The following CPAMD8 variants were observed in gnomAD, a reference collection of about 807,000 sequenced individuals.
The protein encoded by CPAMD8 is C3 and PZP-like alpha-2-macroglobulin domain-containing protein 8.
A neutral mutation model predicts 224.7 loss-of-function variants in CPAMD8; 146 were observed. The ratio of observed to expected loss-of-function variants is 0.65; its 90% CI spans 0.57 to 0.75. The LOEUF (loss-of-function observed/expected upper bound fraction) is 0.75, where lower values mean the gene tolerates loss of function less well. CPAMD8 is among the 30% of genes least tolerant of loss of function. The pLI, the probability that CPAMD8 is intolerant of heterozygous loss-of-function variation, is 0.00. For synonymous variants in CPAMD8, 966 were observed against 1,044.6 expected, an observed-to-expected ratio of 0.92 and a Z score of 1.45; for missense variants, 2,301 against 2,537.5, an observed-to-expected ratio of 0.91 and a Z score of 2.00.
Position 16,903,722 on chromosome 19 carries a change from T to C in CPAMD8, c.4387A>G (p.Lys1463Glu), listed in dbSNP as rs774077751. The C allele has an allele frequency of 1.2e-6, 2 of 1,614,076 alleles. No individual in the cohort carries two copies. Among genetic ancestry groups the C allele is most frequent in the South Asian group, 2.2e-5 (2 of 91,084 alleles). The change falls in exon 33 of 42, where the codon AAG becomes GAG. Residue 1463 changes from lysine to glutamate, a missense_variant. By Grantham distance (56) the Lys-to-Glu change is moderately conservative. Coordinates refer to ENST00000443236, the MANE Select transcript of CPAMD8 (RefSeq NM_015692.5). ...ETFELHRTNQKVLQTAAIPSL... is the reference protein window; with the variant it reads ...ETFELHRTNQEVLQTAAIPSL... ...CGCACCGCTGCTGTCTGCAGAACCT[T>C]CTGGTTGGTCCTGTGCAGCTCGAAG...
In CPAMD8 at chr19:16,993,445, G is replaced by T; in HGVS notation, c.1237C>A (p.Pro413Thr). 1 of 1,613,778 alleles carries T rather than the reference G, an allele frequency of 6.2e-7. No individual in the cohort carries two copies. The highest frequency in any genetic ancestry group is 1.3e-5 in the African/African-American group (1 of 75,056). The change falls in exon 12 of 42, where the codon CCC becomes ACC. Residue 413 changes from proline to threonine, a missense_variant. Around this residue, in one of 4 missense-constraint regions of CPAMD8, gnomAD observed 301 missense variants for 406.6 expected, o/e 0.74. Transcript: ENST00000443236. The part of the protein sequence containing the change: ...GLVGFEIPSI[P>T]TSAQHVWLET... ...AGCCACACGTGCTGGGCTGACGTGG[G>T]GATGGAGGGGATTTCAAACCCCACT...
At chr19:17,014,059 CTTTT>C (rs1438525007) in intron 3 of CPAMD8, among the ~76,000 whole-genome samples, 11 of 134,882 alleles carry the variant, frequency 8.2e-5, no homozygotes, top group African/African-American at 2.7e-4. Flanking sequence ...CTCTTTCTTT[CTTTT>C]GTTTTTAGAG....
intron 3 of CPAMD8, among the ~76,000 whole-genome samples, chr19:17,016,076 T>A (rs1040982283): frequency 6.6e-6 from 1 of 152,214 alleles, no homozygotes; most frequent in Non-Finnish European, 1.5e-5. Flanking sequence ...ACTGAGTGGC[T>A]GGGACTACAG....
Position 16,903,768 on chromosome 19 carries a change from G to A in CPAMD8, c.4341C>T (p.Thr1447=). Residue 1447 remains threonine, a synonymous_variant, in exon 33 of 42, where the codon ACC becomes ACT. Transcript: ENST00000443236. ...GINLTVSLAS[T]NLDYQETFEL... is the part of the protein sequence containing the mutation. The stretch of plus-strand genomic sequence containing the variant: ...CGAAGGTTTCCTGGTAGTCCAGGTT[G>A]GTGGAGGCCAGGGAGACAGTGAGGT... 6.2e-7 allele frequency: 1 copy of A among 1,614,148 alleles called. No individual in the cohort carries two copies. Among genetic ancestry groups the A allele is most frequent in the Non-Finnish European group, 8.5e-7 (1 of 1,179,972 alleles).
At position 16,993,482 on chromosome 19, in the gene CPAMD8, G is replaced by C; in HGVS notation, c.1200C>G (p.Ser400=). The C allele has an allele frequency of 6.2e-7, 1 of 1,613,972 alleles. No individual in the cohort carries two copies. Among genetic ancestry groups the C allele is most frequent in the Non-Finnish European group, 8.5e-7 (1 of 1,179,890 alleles). ...KDNIYTSEVV[S]QRGLVGFEIP... ...TTTCAAACCCCACTAGTCCACGCTG[G>C]GACACAACTTCACTGGTGTAGATGT... Residue 400 remains serine (S), a synonymous_variant, in exon 12 of 42, where the codon TCC becomes TCG. Transcript: ENST00000443236.
intron 24 of CPAMD8, among the ~76,000 whole-genome samples, 171 bp downstream of exon 24, chr19:16,928,771 T>A (rs2053453469): frequency 6.9e-6 from 1 of 145,758 alleles, no homozygotes; most frequent in Non-Finnish European, 1.5e-5. Context: ...TGCTACATGT[T>A]TTTTTTTTTT....
At chr19:16,935,136 T>A (rs1320273464) in intron 23 of CPAMD8, among the ~76,000 whole-genome samples, 1 of 152,198 alleles carries the variant, frequency 6.6e-6, no homozygotes, top group African/African-American at 2.4e-5. Context: ...GATAATCACA[T>A]GCAATTGTTA....
chr19:16,981,170 T>A (rs147912676), intron 13 of CPAMD8, among the ~76,000 whole-genome samples: 4 of 151,828 alleles, frequency 2.6e-5, no homozygotes, highest in African/African-American at 9.7e-5. Context: ...CTGAGCAACA[T>A]AGTGAGACCC....
intron 2 of CPAMD8, among the ~76,000 whole-genome samples, chr19:17,020,721 G>C (rs184525858): frequency 1.3e-5 from 2 of 152,274 alleles, no homozygotes; most frequent in East Asian, 3.9e-4. Context: ...AAGAAGAGGG[G>C]ACTGAGGTCC....
At chr19:17,003,778 C>CAA (rs1318753832) in intron 8 of CPAMD8, among the ~76,000 whole-genome samples, 2 of 112,034 alleles carry the variant, frequency 1.8e-5, no homozygotes, top group East Asian at 2.6e-4. Context: ...AACCCTGCCT[C>CAA]AAAAAAAAAA....
In CPAMD8 at chr19:16,975,078, T is replaced by C; in HGVS notation, c.2070+19A>G. The C allele has an allele frequency of 3.7e-6, 6 of 1,608,330 alleles. No individual in the cohort carries two copies. In the South Asian group the frequency reaches 6.7e-5, roughly 18 times the overall value. On this transcript the variant is annotated intron_variant, in intron 17 of 41. Transcript: ENST00000443236. ...GAACTTAGAAGGGGGCAGAGGGATC[T>C]GAGACCACCTCTCCTTACGGTGAAG...
Position 16,907,118 on chromosome 19 carries a change from C to A in CPAMD8, c.3862-1G>T. Reference sequence around the variant, plus strand: ...CTTTGTCAGTGGAGCCTCTCTCCTCCTGCAGGGTGGGGTGGGAAGGTGAAA... The same window carrying A: ...CTTTGTCAGTGGAGCCTCTCTCCTCATGCAGGGTGGGGTGGGAAGGTGAAA... On this transcript the variant is annotated splice_acceptor_variant, in intron 29 of 41. Coordinates refer to ENST00000443236, the MANE Select transcript of CPAMD8 (RefSeq NM_015692.5). LOFTEE classifies it high-confidence loss of function. The A allele has an allele frequency of 6.4e-7, 1 of 1,550,402 alleles. No individual in the cohort carries two copies.
At chr19:17,010,978 G>A (rs1425976853) in intron 5 of CPAMD8, among the ~76,000 whole-genome samples, 1 of 151,538 alleles carries the variant, frequency 6.6e-6, no homozygotes, top group African/African-American at 2.4e-5. Flanking sequence ...AGCCAAGATC[G>A]CACCACTGCA....
chr19:16,897,814 G>T lies in CPAMD8; in HGVS notation c.4955-13C>A, dbSNP rs1305159695. On this transcript the variant is annotated splice_polypyrimidine_tract_variant and intron_variant, in intron 38 of 41. Coordinates refer to ENST00000443236, the MANE Select transcript of CPAMD8 (RefSeq NM_015692.5). ...GTGGCCTCGAAGGCTACGGGACGAG[G>T]GTGGCGGGTGACCAAGTGCAGGCGC... 1.9e-6 allele frequency: 3 copies of T among 1,576,210 alleles called. No individual in the cohort carries two copies. The highest frequency in any genetic ancestry group is 2.3e-5 in the South Asian group (2 of 87,208).
Position 16,976,247 on chromosome 19 carries a change from G to C in CPAMD8, c.1759-96C>G, listed in dbSNP as rs532991550. Reference sequence around the variant, plus strand: ...TCCCAACACTTTGGGAGGCCGAGGCGGGTGGATCACCTGAGGTCAAGAGTT... The same window carrying C: ...TCCCAACACTTTGGGAGGCCGAGGCCGGTGGATCACCTGAGGTCAAGAGTT... On this transcript the variant is annotated intron_variant, in intron 15 of 41. Transcript: ENST00000443236. The C allele has an allele frequency of 1.8e-5, 18 of 984,600 alleles. 1 individual carries two copies. The highest frequency in any genetic ancestry group is 2.7e-5 in the Non-Finnish European group (18 of 670,956). 61.0% of individuals were successfully genotyped at this position (984,600 alleles called of 1,614,324 possible). A position where few individuals can be genotyped will look rare whatever the true frequency, so the allele number is the denominator to read the frequency against.
intron 17 of CPAMD8, among the ~76,000 whole-genome samples, chr19:16,972,833 T>C (rs976187413): frequency 6.6e-6 from 1 of 152,140 alleles, no homozygotes; most frequent in African/African-American, 2.4e-5. Flanking sequence ...GTTCACATAC[T>C]CATAAATGAA....
chr19:17,022,284 TGCTGACCACACCTGGCTG>T, intron 1 of CPAMD8, 103 bp from the exon 2 acceptor site: 1 of 1,314,626 alleles, frequency 7.6e-7, no homozygotes, highest in Non-Finnish European at 1.0e-6. Flanking sequence ...TCCTGCCTTT[TGCTGACCACACCTGGCTG>T]GCATTGATGC....
Position 16,925,201 on chromosome 19 carries a change from A to G in CPAMD8, c.3542T>C (p.Val1181Ala), listed in dbSNP as rs2053316305. The G allele has an allele frequency of 1.2e-6, 2 of 1,614,090 alleles. No homozygotes were observed. The highest frequency in any genetic ancestry group is 8.5e-7 in the Non-Finnish European group (1 of 1,180,018). The change falls in exon 26 of 42, where the codon GTA becomes GCA. Residue 1181 changes from valine to alanine, a missense_variant. Physicochemically the swap from Val to Ala is moderately conservative, Grantham distance 64. This residue lies in a region of CPAMD8 where 1,709 missense variants were observed against 1,753.2 expected (regional missense o/e 0.97). Transcript: ENST00000443236. ...AGGCACTTCTTCCCCAATACCTTGT[A>G]CTAGGTAGTCGGTGGTCTCTCTCTC... ...EVERETTDYL[V>A]QGYQRQLTYK... is the part of the protein sequence containing the mutation.
At chr19:17,005,022 T>A (rs1202598928) in intron 7 of CPAMD8, among the ~76,000 whole-genome samples, 1 of 149,214 alleles carries the variant, frequency 6.7e-6, no homozygotes, top group Admixed American at 6.7e-5. Flanking sequence ...CAGGATAGGG[T>A]TTCTCAGCCT....
Sources: allele counts gnomAD v4.1 joint callset (sites outside exome capture counted in the v4.1 genomes callset), GRCh38; gene constraint gnomAD v4.1.1; regional missense constraint gnomAD v4.1.1; transcripts MANE v1.5; gene names NCBI Gene and HGNC (gene_info 2026-07-23, HGNC 2026-07-21).